Variants in MITF observed in about 807,000 individuals in gnomAD.
The protein encoded by MITF is microphthalmia-associated transcription factor.
A neutral mutation model predicts 60.5 loss-of-function variants in MITF; 17 were observed. The ratio of observed to expected loss-of-function variants is 0.28; its 90% confidence interval spans 0.19 to 0.42. The LOEUF is 0.42. Ranked by LOEUF, MITF falls within the 10% of genes least tolerant of loss-of-function variation. The pLI, the probability that MITF is intolerant of heterozygous loss-of-function variation, is 1.00. For missense variants in MITF, 622 were observed against 683.5 expected, an observed-to-expected ratio of 0.91 and a Z score of 1.00; for synonymous variants, 260 against 248.5, an observed-to-expected ratio of 1.05 and a Z score of -0.43.
intron 2 of MITF, among the ~76,000 whole-genome samples, chr3:69,884,832 C>T (rs915841771): frequency 6.6e-6 from 1 of 152,022 alleles, no homozygotes; most frequent in Admixed American, 6.6e-5. Flanking sequence ...AAGTCATCTT[C>T]GCTTAAATTT....
chr3:69,786,462 A>G (rs2062651211), intron 1 of MITF, among the ~76,000 whole-genome samples: 1 of 152,120 alleles, frequency 6.6e-6, no homozygotes, highest in African/African-American at 2.4e-5. Context: ...GAGTTCCTTC[A>G]ATTTAGTTAA....
At chr3:69,882,593 T>A (rs2064514802) in intron 2 of MITF, among the ~76,000 whole-genome samples, 1 of 152,164 alleles carries the variant, frequency 6.6e-6, no homozygotes, top group Admixed American at 6.5e-5. Flanking sequence ...GAACCATTAA[T>A]GGAATCAGTT....
chr3:69,944,870 A>T (rs2066055858), intron 5 of MITF, among the ~76,000 whole-genome samples: 1 of 152,132 alleles, frequency 6.6e-6, no homozygotes, highest in Non-Finnish European at 1.5e-5. Context: ...TAAGTAACAA[A>T]GCTACTGCAA....
At chr3:69,848,918 T>G (rs1372576346) in intron 1 of MITF, among the ~76,000 whole-genome samples, 4 of 151,672 alleles carry the variant, frequency 2.6e-5, no homozygotes, top group Non-Finnish European at 5.9e-5. Context: ...ATTTGAGAGA[T>G]AGCTTTTTGC....
intron 1 of MITF, among the ~76,000 whole-genome samples, chr3:69,750,109 A>G (rs1390275448): frequency 6.6e-6 from 1 of 152,294 alleles, no homozygotes; most frequent in East Asian, 1.9e-4. Flanking sequence ...CAATGATACC[A>G]CATGTCAATC....
intron 4 of MITF, 63 bp from the exon 5 acceptor site, chr3:69,941,173 T>G: frequency 9.1e-7 from 1 of 1,099,648 alleles, no homozygotes; most frequent in Non-Finnish European, 1.4e-6. Context: ...ATGAGTCTCT[T>G]TTTAGGTTGT....
At chr3:69,852,216 C>T (rs1282434578) in intron 1 of MITF, among the ~76,000 whole-genome samples, 2 of 151,884 alleles carry the variant, frequency 1.3e-5, no homozygotes, top group Non-Finnish European at 2.9e-5. Context: ...TATAATATTC[C>T]CACAGAAAAG....
chr3:69,911,238 G>A lies in MITF; in HGVS notation c.355-26584G>A, dbSNP rs184902263. ...CCATCATTCTGAGGCCTCACCGGCC[G>A]TGTGGAACTGTAAGTCCAATTAAAC... On this transcript the variant is annotated intron_variant, in intron 2 of 9. Transcript: ENST00000352241. Among the ~76,000 whole-genome samples the A allele has an allele frequency of 4.3e-4, 65 of 152,286 alleles. 1 individual carries two copies. The highest frequency in any genetic ancestry group is 3.4e-3 in the Middle Eastern group (1 of 294).
At chr3:69,742,069 T>C (rs1345210016) in intron 1 of MITF, among the ~76,000 whole-genome samples, 1 of 152,208 alleles carries the variant, frequency 6.6e-6, no homozygotes, top group Non-Finnish European at 1.5e-5. Context: ...TGCTACCACT[T>C]TGGTCCAAGC....
At chr3:69,818,095 T>C (rs181376955) in intron 1 of MITF, among the ~76,000 whole-genome samples, 1 of 152,324 alleles carries the variant, frequency 6.6e-6, no homozygotes, top group East Asian at 1.9e-4. Flanking sequence ...AATATTGTAA[T>C]GCAGGGACTT....
intron 1 of MITF, among the ~76,000 whole-genome samples, chr3:69,856,050 C>T (rs1209792107): frequency 6.6e-6 from 1 of 152,148 alleles, no homozygotes; most frequent in Non-Finnish European, 1.5e-5. Context: ...GGGCTGGGCT[C>T]ACTTACTGTG....
intron 1 of MITF, among the ~76,000 whole-genome samples, chr3:69,833,909 G>T (rs1460980005): frequency 2.0e-5 from 3 of 152,236 alleles, no homozygotes; most frequent in Non-Finnish European, 4.4e-5. Context: ...GAGAGCAGTA[G>T]CCATGCCTCT....
At chr3:69,853,740 G>C (rs1208848924) in intron 1 of MITF, among the ~76,000 whole-genome samples, 3 of 151,924 alleles carry the variant, frequency 2.0e-5, no homozygotes, top group Non-Finnish European at 4.4e-5. Context: ...GATTCTATGT[G>C]ACTTCTTTTT....
chr3:69,836,856 G>C (rs1379412561), intron 1 of MITF, among the ~76,000 whole-genome samples: 5 of 152,150 alleles, frequency 3.3e-5, no homozygotes, highest in Admixed American at 2.6e-4. Context: ...AGGATTTTTA[G>C]GAGCTCTGGG....
intron 1 of MITF, among the ~76,000 whole-genome samples, chr3:69,772,009 A>G (rs1305903011): frequency 5.3e-5 from 8 of 152,314 alleles, no homozygotes; most frequent in Middle Eastern, 3.4e-3. Context: ...ATTTTCATCA[A>G]TTAGGATTGA....
chr3:69,858,332 T>G (rs1003464323), intron 1 of MITF, among the ~76,000 whole-genome samples: 1 of 152,148 alleles, frequency 6.6e-6, no homozygotes, highest in African/African-American at 2.4e-5. Context: ...ATTATTTTTC[T>G]CATTTTAAAT....
intron 2 of MITF, among the ~76,000 whole-genome samples, chr3:69,918,981 A>G (rs1575961222): frequency 6.6e-6 from 1 of 152,212 alleles, no homozygotes; most frequent in Non-Finnish European, 1.5e-5. Flanking sequence ...ATGTTTTTCC[A>G]TAGTCATTTC....
At chr3:69,758,884 A>G (rs1298456101) in intron 1 of MITF, 1 of 212,830 alleles carries the variant, frequency 4.7e-6, no homozygotes, top group African/African-American at 2.3e-5. Context: ...TACCTATAAA[A>G]TGGAGCTAAT....
At chr3:69,953,678 G>C (rs1014123477) in intron 7 of MITF, among the ~76,000 whole-genome samples, 11 of 147,410 alleles carry the variant, frequency 7.5e-5, no homozygotes, top group South Asian at 4.6e-4. Context: ...GAGAGAGAGA[G>C]AGAGAGAGAG....
Sources: gnomAD v4.1 joint callset for allele counts (sites outside exome capture counted in the v4.1 genomes callset) on GRCh38, gnomAD v4.1.1 for gene constraint, MANE v1.5 for transcripts, NCBI Gene and HGNC (gene_info 2026-07-23, HGNC 2026-07-21) for gene names.